Variants in RARB observed in about 807,000 individuals in gnomAD.
RARB encodes the protein HBV-activated protein.
Under a neutral mutation model 51.9 loss-of-function variants are expected in RARB, and 17 were observed. The observed-to-expected ratio is 0.33, with a 90% CI of 0.22 to 0.49. The LOEUF is 0.49. RARB is among the 20% of genes least tolerant of loss of function. RARB has a pLI of 0.99. For missense variants in RARB, 369 were observed against 550.8 expected (o/e 0.67, Z 3.30); for synonymous variants, 215 against 195.4 (o/e 1.10, Z -0.84).
At chr3:25,473,637 A>G (rs1002965566) in intron 2 of RARB, among the ~76,000 whole-genome samples, 2 of 152,200 alleles carry the variant, frequency 1.3e-5, no homozygotes, top group African/African-American at 4.8e-5. Context: ...AGTACAGTCA[A>G]GGTGGCCCGT....
At position 25,282,694 on chromosome 3, in the gene RARB, G is replaced by T. The variant is rs554000845; in HGVS notation, c.178+108119G>T. ...GCAGAGAGGAAGCCAGGGCATTGCT[G>T]CTAGGCTTGTGAGTTCAAGGTCACA... On this transcript the variant is annotated intron_variant, in intron 5 of 11. Coordinates refer to the RARB transcript ENST00000383772. 5.3e-5 allele frequency among the ~76,000 whole-genome samples: 8 copies of T among 152,252 alleles called. 1 individual carries two copies. Among genetic ancestry groups the T allele is most frequent in the African/African-American group, 1.9e-4 (8 of 41,556 alleles).
At chr3:25,151,170 C>T (rs1027657847) in intron 4 of RARB, among the ~76,000 whole-genome samples, 38 of 152,126 alleles carry the variant, frequency 2.5e-4, no homozygotes, top group Non-Finnish European at 2.8e-4. Context: ...ATGCAGGTGC[C>T]GCATTTCTGA....
At chr3:25,073,682 G>A (rs1007578730) in intron 3 of RARB, among the ~76,000 whole-genome samples, 1 of 152,182 alleles carries the variant, frequency 6.6e-6, no homozygotes, top group African/African-American at 2.4e-5. Context: ...TAATGTGCGT[G>A]TAATTCCTGT....
intron 2 of RARB, among the ~76,000 whole-genome samples, chr3:25,034,258 C>G (rs911856660): frequency 1.3e-5 from 2 of 152,164 alleles, no homozygotes; most frequent in Admixed American, 6.5e-5. Context: ...TGCAGTGAGT[C>G]AAGATCGCAC....
In RARB at chr3:25,580,564, C is replaced by G; in HGVS notation, c.628C>G (p.Arg210Gly). The change falls in exon 5 of 8, where the codon CGA becomes GGA. Residue 210 changes from arginine (R) to glycine (G), a missense_variant. This residue lies in a region of RARB where 49 missense variants were observed against 103.4 expected (regional missense o/e 0.47). Coordinates refer to ENST00000330688, the MANE Select transcript of RARB (RefSeq NM_000965.5). ...CTCCTAGAATTCCAGTGCTGACCAT[C>G]GAGTCCGACTGGACCTGGGCCTCTG... ...KYTTNSSADH[R>G]VRLDLGLWDK... 1 of 1,596,726 alleles carries G rather than the reference C, an allele frequency of 6.3e-7. No individual in the cohort carries two copies. Among genetic ancestry groups the G allele is most frequent in the Non-Finnish European group, 8.6e-7 (1 of 1,166,312 alleles).
At chr3:25,378,316 G>A (rs891814643) in intron 5 of RARB, among the ~76,000 whole-genome samples, 1 of 152,184 alleles carries the variant, frequency 6.6e-6, no homozygotes, top group Non-Finnish European at 1.5e-5. Context: ...CACCAGCAGA[G>A]TGGCTCCCTT....
At chr3:24,857,684 G>A (rs1702659666) in intron 1 of RARB, among the ~76,000 whole-genome samples, 2 of 152,180 alleles carry the variant, frequency 1.3e-5, no homozygotes, top group African/African-American at 2.4e-5. Context: ...GGGAGACCAA[G>A]GCGGGTGGAT....
At chr3:25,132,512 A>G (rs1323801238) in intron 4 of RARB, among the ~76,000 whole-genome samples, 7 of 151,938 alleles carry the variant, frequency 4.6e-5, no homozygotes, top group Non-Finnish European at 7.4e-5. Context: ...TATGCTAGGC[A>G]TTGTGCTAAG....
chr3:25,185,836 A>G (rs1003757795), intron 5 of RARB, among the ~76,000 whole-genome samples: 1 of 152,160 alleles, frequency 6.6e-6, no homozygotes, highest in African/African-American at 2.4e-5. Flanking sequence ...AAGAATTCGT[A>G]TGCCACTATT....
At chr3:24,960,187 A>T (rs1389791800) in intron 2 of RARB, among the ~76,000 whole-genome samples, 1 of 152,028 alleles carries the variant, frequency 6.6e-6, no homozygotes, top group Non-Finnish European at 1.5e-5. Flanking sequence ...TTGAGGAAAA[A>T]CCTCTAATAC....
chr3:25,172,965 G>T lies in RARB; in HGVS notation c.-279-1154G>T, dbSNP rs545170861. Among the ~76,000 whole-genome samples, 243 of 152,274 alleles carry T rather than the reference G, an allele frequency of 1.6e-3. 1 individual carries two copies. Among genetic ancestry groups the T allele is most frequent in the African/African-American group, 5.7e-3 (237 of 41,548 alleles). On this transcript the variant is annotated intron_variant, in intron 4 of 11. Transcript: ENST00000383772. ...CAGAATTATTTGAGCTGGACACACTGGCTCTAGAATCACGCTCTTAACAAC... is the reference window on the plus strand; with the variant it reads ...CAGAATTATTTGAGCTGGACACACTTGCTCTAGAATCACGCTCTTAACAAC...
chr3:24,864,070 G>C (rs540409503), intron 2 of RARB, among the ~76,000 whole-genome samples: 1 of 152,178 alleles, frequency 6.6e-6, no homozygotes, highest in African/African-American at 2.4e-5. Context: ...ATGTAGACAA[G>C]TTTCACTAAC....
chr3:24,905,329 T>G (rs1020943168), intron 2 of RARB, among the ~76,000 whole-genome samples: 28 of 152,214 alleles, frequency 1.8e-4, no homozygotes, highest in Admixed American at 3.9e-4. Context: ...TATGTCTTCT[T>G]GTTTGACTCA....
chr3:24,880,029 G>T (rs1359117577), intron 2 of RARB, among the ~76,000 whole-genome samples: 4 of 151,318 alleles, frequency 2.6e-5, no homozygotes, highest in African/African-American at 9.7e-5. Context: ...ACAAGATAAG[G>T]AGCTCCCCTT....
At position 25,199,860 on chromosome 3, in the gene RARB, G is replaced by C. The variant is rs540306062; in HGVS notation, c.178+25285G>C. ...CAGTCTATCATTGTTGGACATTCAGGTTGGTTCCAAGTCTTTGCTATTGTG... is the reference window on the plus strand; with the variant it reads ...CAGTCTATCATTGTTGGACATTCAGCTTGGTTCCAAGTCTTTGCTATTGTG... On this transcript the variant is annotated intron_variant, in intron 5 of 11. Coordinates refer to the RARB transcript ENST00000383772. 2.6e-5 allele frequency among the ~76,000 whole-genome samples: 4 copies of C among 152,248 alleles called. No homozygotes were observed. In the East Asian group the frequency reaches 7.7e-4, roughly 29 times the overall value.
chr3:25,016,008 TTCCATGATTTCATAAGG>T (rs1697500278), intron 2 of RARB, among the ~76,000 whole-genome samples: 1 of 152,208 alleles, frequency 6.6e-6, no homozygotes, highest in African/African-American at 2.4e-5. Context: ...TATTAATTTC[TTCCATGATTTCATAAGG>T]TCTTCAGGTC....
At chr3:25,210,429 C>G (rs1391935602) in intron 5 of RARB, among the ~76,000 whole-genome samples, 3 of 151,932 alleles carry the variant, frequency 2.0e-5, no homozygotes, top group African/African-American at 7.3e-5. Context: ...CCCAGCTATG[C>G]CCATTCACTT....
chr3:25,136,777 G>C (rs1045811280), intron 4 of RARB, among the ~76,000 whole-genome samples: 17 of 151,966 alleles, frequency 1.1e-4, no homozygotes, highest in Non-Finnish European at 2.2e-4. Context: ...GGGATGAAGA[G>C]GGAAGGCCTT....
chr3:25,088,332 T>A (rs745824378), intron 3 of RARB, among the ~76,000 whole-genome samples: 1 of 152,194 alleles, frequency 6.6e-6, no homozygotes, highest in Non-Finnish European at 1.5e-5. Flanking sequence ...CCCAACTCCA[T>A]TGTTGTCTGT....
Sources: allele counts gnomAD v4.1 joint callset (sites outside exome capture counted in the v4.1 genomes callset), GRCh38; gene constraint gnomAD v4.1.1; regional missense constraint gnomAD v4.1.1; transcripts MANE v1.5; gene names NCBI Gene and HGNC (gene_info 2026-07-23, HGNC 2026-07-21).